The following RUFY3 variants were observed in gnomAD, a reference collection of about 807,000 sequenced individuals.
RUFY3 encodes the protein RUN and FYVE domain containing 3, also known as protein RUFY3.
RUFY3 carries 34 observed loss-of-function variants against 84.0 expected under a neutral mutation model. The observed-to-expected ratio is 0.40, with a 90% confidence interval of 0.31 to 0.54. The LOEUF (loss-of-function observed/expected upper bound fraction) is 0.54. Ranked by LOEUF, RUFY3 falls within the 20% of genes least tolerant of loss-of-function variation. The probability of loss-of-function intolerance (pLI) is 0.39; values close to 1 mark genes in which losing one functional copy is unlikely to be tolerated. For synonymous variants in RUFY3, 242 were observed against 252.9 expected, an observed-to-expected ratio of 0.96 and a Z score of 0.41; for missense variants, 507 against 736.8, an observed-to-expected ratio of 0.69 and a Z score of 3.61.
At chr4:70,780,844 C>A (rs1228801424) in intron 8 of RUFY3, among the ~76,000 whole-genome samples, 1 of 152,118 alleles carries the variant, frequency 6.6e-6, no homozygotes, top group Non-Finnish European at 1.5e-5. Flanking sequence ...AATATTTATT[C>A]ATTGACTTAT....
intron 5 of RUFY3, among the ~76,000 whole-genome samples, chr4:70,769,596 A>G (rs530442988): frequency 6.6e-6 from 1 of 152,302 alleles, no homozygotes; most frequent in Non-Finnish European, 1.5e-5. Context: ...TAAGACAACA[A>G]TGAAGTTTAC....
At chr4:70,754,250 C>T (rs998818036) in intron 1 of RUFY3, among the ~76,000 whole-genome samples, 2 of 151,898 alleles carry the variant, frequency 1.3e-5, no homozygotes, top group Non-Finnish European at 2.9e-5. Context: ...ATGGGGCTTC[C>T]CCATGTTGGC....
At position 70,723,913 on chromosome 4, in the gene RUFY3, G is replaced by A. The variant is rs571700449; in HGVS notation, c.178+1162G>A. ...CATTTTATCTTCCCAGTCAGCCTTA[G>A]CCTTGAGAAAGTTTTAGGGATGGTT... On this transcript the variant is annotated intron_variant, in intron 1 of 17. Transcript: ENST00000381006. 5.9e-5 allele frequency among the ~76,000 whole-genome samples: 9 copies of A among 152,278 alleles called. No individual in the cohort carries two copies. In the South Asian group the frequency reaches 1.5e-3, roughly 25 times the overall value.
At chr4:70,774,417 T>TG (rs2148740907) in intron 6 of RUFY3, among the ~76,000 whole-genome samples, 1 of 149,590 alleles carries the variant, frequency 6.7e-6, no homozygotes, top group South Asian at 2.1e-4. Context: ...GAGACCAGCC[T>TG]GGCCAACATG....
chr4:70,807,399 C>A lies in RUFY3; in HGVS notation c.*740C>A, dbSNP rs527689573. ...CCTTCCACAAAACAAGCCAACTCTT[C>A]CCCATTCCCTCCATCTTCCTTTCCA... On this transcript the variant is annotated 3_prime_UTR_variant, in exon 18 of 18. Transcript: ENST00000381006. 3.9e-5 allele frequency: 6 copies of A among 152,304 alleles called. No individual in the cohort carries two copies. In the East Asian group the frequency reaches 1.2e-3, roughly 29 times the overall value. 9.4% of individuals were successfully genotyped at this position (152,304 alleles called of 1,614,324 possible).
rs981799684 is a variant in RUFY3 at position 70,723,631 on chromosome 4, G to A, written c.178+880G>A. On this transcript the variant is annotated intron_variant, in intron 1 of 17. Coordinates refer to ENST00000381006, the MANE Select transcript of RUFY3 (RefSeq NM_001037442.4). ...CTGATTTGAATCATAGCTACAAATC[G>A]TTTTGTTTTTAATACAGTTGCTTCT... Among the ~76,000 whole-genome samples, 5 of 151,902 alleles carry A rather than the reference G, an allele frequency of 3.3e-5. No homozygotes were observed. In the South Asian group the frequency reaches 8.3e-4, roughly 25 times the overall value.
At chr4:70,763,489 G>C in intron 2 of RUFY3, 63 bp from the exon 3 acceptor site, 1 of 1,241,696 alleles carries the variant, frequency 8.1e-7, no homozygotes, top group Non-Finnish European at 1.2e-6. Context: ...ATGTGTGTGT[G>C]TATTGAGAGT....
At chr4:70,802,563 A>G (rs1053213161) in intron 15 of RUFY3, among the ~76,000 whole-genome samples, 1 of 152,244 alleles carries the variant, frequency 6.6e-6, no homozygotes, top group Non-Finnish European at 1.5e-5. Context: ...AACATGTGAT[A>G]ATGGATAATG....
At chr4:70,766,934 T>C (rs1454166993) in intron 4 of RUFY3, among the ~76,000 whole-genome samples, 1 of 152,192 alleles carries the variant, frequency 6.6e-6, no homozygotes, top group African/African-American at 2.4e-5. Flanking sequence ...CGTACTGTGA[T>C]TGTACTGTTG....
intron 15 of RUFY3, among the ~76,000 whole-genome samples, chr4:70,800,682 G>A (rs1049203642): frequency 6.6e-6 from 1 of 152,110 alleles, no homozygotes; most frequent in Non-Finnish European, 1.5e-5. Flanking sequence ...TTAGAAGTTC[G>A]AGACCAGCCT....
chr4:70,804,529 G>A (rs1732626627), intron 17 of RUFY3, 113 bp downstream of exon 17: 1 of 749,904 alleles, frequency 1.3e-6, no homozygotes, highest in South Asian at 2.0e-5. Context: ...TGCATGCAGA[G>A]TGCTGGGAGT....
intron 1 of RUFY3, among the ~76,000 whole-genome samples, chr4:70,710,583 T>C (rs1219297174): frequency 6.6e-6 from 1 of 151,936 alleles, no homozygotes; most frequent in African/African-American, 2.4e-5. Flanking sequence ...GGCAGGAGAA[T>C]CACTTGAACC....
chr4:70,807,847 A>G lies in RUFY3; in HGVS notation c.*1188A>G, dbSNP rs555983156. On this transcript the variant is annotated 3_prime_UTR_variant, in exon 18 of 18. Transcript: ENST00000381006. ...AGAACAGTTAGCTCGGAATACTTAC[A>G]TTGTTTTTTGAATAAGGAATTCCTT... Among the ~76,000 whole-genome samples, 1 of 151,964 alleles carries G rather than the reference A, an allele frequency of 6.6e-6. No individual in the cohort carries two copies. The highest frequency in any genetic ancestry group is 1.5e-5 in the Non-Finnish European group (1 of 67,984).
intron 15 of RUFY3, 59 bp downstream of exon 15, chr4:70,800,264 G>A: frequency 7.2e-7 from 1 of 1,391,782 alleles, no homozygotes; most frequent in Non-Finnish European, 9.9e-7. Flanking sequence ...GTGGGAAGGA[G>A]GGAGTTCTTT....
chr4:70,723,884 T>C (rs915395876), intron 1 of RUFY3, among the ~76,000 whole-genome samples: 13 of 152,362 alleles, frequency 8.5e-5, no homozygotes, highest in African/African-American at 3.1e-4. Flanking sequence ...TTGTGTTTGA[T>C]AAGCATTTTA....
chr4:70,752,844 TC>T (rs1321200158), intron 1 of RUFY3, among the ~76,000 whole-genome samples: 1 of 152,218 alleles, frequency 6.6e-6, no homozygotes, highest in Non-Finnish European at 1.5e-5. Flanking sequence ...GTGTCTGTAT[TC>T]ATAAGGAGTA....
upstream of RUFY3, among the ~76,000 whole-genome samples, chr4:70,719,304 G>A (rs550418290): frequency 6.6e-6 from 1 of 152,324 alleles, no homozygotes; most frequent in South Asian, 2.1e-4. Context: ...TCTACCTGGA[G>A]AGAGGCAGGG....
At chr4:70,705,263 C>G in exon 1 of RUFY3, 2 of 1,440,714 alleles carry the variant, frequency 1.4e-6, no homozygotes, top group Non-Finnish European at 1.8e-6. Flanking sequence ...ACCCGAGCGG[C>G]GGCGGCGGCA....
chr4:70,769,633 G>T (rs1206846648), intron 5 of RUFY3, among the ~76,000 whole-genome samples: 1 of 152,134 alleles, frequency 6.6e-6, no homozygotes, highest in Non-Finnish European at 1.5e-5. Flanking sequence ...CTTTACAAAA[G>T]ATTTCTCTGT....
Sources: gnomAD v4.1 joint callset for allele counts (sites outside exome capture counted in the v4.1 genomes callset) on GRCh38, gnomAD v4.1.1 for gene constraint, MANE v1.5 for transcripts, NCBI Gene and HGNC (gene_info 2026-07-23, HGNC 2026-07-21) for gene names.